ANKS6: variants seen among roughly 807,000 people sequenced by gnomAD.
ANKS6 encodes ankyrin repeat and sterile alpha motif domain containing 6, also known as ankyrin repeat and SAM domain-containing protein 6.
A neutral mutation model predicts 77.9 loss-of-function variants in ANKS6; 47 were observed. The observed-to-expected ratio is 0.60, with a 90% CI of 0.48 to 0.77. The LOEUF is 0.77. Among genes scored for constraint, ANKS6 ranks in the 30% least tolerant of loss-of-function variants. ANKS6 has a pLI of 0.00. For missense variants in ANKS6, 1,150 were observed against 1,159.1 expected (o/e 0.99, Z 0.11); for synonymous variants, 488 against 501.7 (o/e 0.97, Z 0.37).
At chr9:98,748,732 G>A (rs1291456038) in intron 13 of ANKS6, among the ~76,000 whole-genome samples, 1 of 152,082 alleles carries the variant, frequency 6.6e-6, no homozygotes, top group Non-Finnish European at 1.5e-5. Context: ...CAAACTTTTT[G>A]TGGGAAAAAT....
At chr9:98,745,476 G>T in intron 14 of ANKS6, 83 bp downstream of exon 14, 3 of 1,343,198 alleles carry the variant, frequency 2.2e-6, no homozygotes, top group Non-Finnish European at 3.2e-6. Flanking sequence ...GAGAGAGGAA[G>T]TAAGACCTTC....
chr9:98,763,534 G>T lies in ANKS6; in HGVS notation c.2142+4547C>A, dbSNP rs778929773. 2.5e-4 allele frequency among the ~76,000 whole-genome samples: 38 copies of T among 151,960 alleles called. 1 individual carries two copies. The Middle Eastern group carries it at 0.031, about 123-fold the overall frequency. Reference sequence around the variant, plus strand: ...ATTAAATATCTGTATTAGAAAAAAAGAAAGATCTCTAAACTGTAATCTAAG... The same window carrying T: ...ATTAAATATCTGTATTAGAAAAAAATAAAGATCTCTAAACTGTAATCTAAG... On this transcript the variant is annotated intron_variant, in intron 11 of 14. Transcript: ENST00000353234.
intron 11 of ANKS6, among the ~76,000 whole-genome samples, chr9:98,761,226 T>C (rs866493744): frequency 2.6e-5 from 4 of 152,234 alleles, no homozygotes; most frequent in Non-Finnish European, 5.9e-5. Flanking sequence ...TTTACATTTA[T>C]GTTTTATTAT....
intron 11 of ANKS6, among the ~76,000 whole-genome samples, chr9:98,760,516 C>G: frequency 6.6e-6 from 1 of 152,204 alleles, no homozygotes; most frequent in Non-Finnish European, 1.5e-5. Flanking sequence ...AATGACATCA[C>G]TTTGGAGATT....
rs1171586033 is a variant in ANKS6, at chr9:98,733,690, G to T, written c.*2829C>A. The T allele has an allele frequency of 3.0e-6, 3 of 985,346 alleles. No homozygotes were observed. The highest frequency in any genetic ancestry group is 1.2e-6 in the Non-Finnish European group (1 of 829,958). The allele number at this position is 985,346 out of a possible 1,614,324, so 61.0% of individuals were successfully genotyped here. On this transcript the variant is annotated 3_prime_UTR_variant, in exon 15 of 15. Coordinates refer to ENST00000353234, the MANE Select transcript of ANKS6 (RefSeq NM_173551.5). ...ATGTGGGAGATGCTATGAGTTTCTT[G>T]GCCCTGTGAAGAGGCCTGACCCATG...
intron 1 of ANKS6, among the ~76,000 whole-genome samples, chr9:98,795,139 G>A (rs529456090): frequency 6.6e-6 from 1 of 152,202 alleles, no homozygotes; most frequent in African/African-American, 2.4e-5. Context: ...GTCAACTCCT[G>A]CTGATCTACT....
At chr9:98,789,127 A>G (rs555266334) in intron 2 of ANKS6, among the ~76,000 whole-genome samples, 1 of 151,636 alleles carries the variant, frequency 6.6e-6, no homozygotes, top group South Asian at 2.1e-4. Flanking sequence ...TATTCTTTCA[A>G]TGGTAACAAA....
intron 1 of ANKS6, among the ~76,000 whole-genome samples, chr9:98,793,755 G>A (rs1341150950): frequency 2.0e-5 from 3 of 151,272 alleles, no homozygotes; most frequent in African/African-American, 2.4e-5. Context: ...GGCTGGTCTC[G>A]ATCTCCTGAC....
chr9:98,788,469 G>A (rs1834705582), intron 2 of ANKS6, among the ~76,000 whole-genome samples: 1 of 152,204 alleles, frequency 6.6e-6, no homozygotes, highest in Admixed American at 6.5e-5. Context: ...CCCCATCCCT[G>A]CCACAAACAA....
chr9:98,759,932 G>A (rs565576901), intron 11 of ANKS6, among the ~76,000 whole-genome samples: 3 of 152,120 alleles, frequency 2.0e-5, no homozygotes, highest in African/African-American at 4.8e-5. Context: ...GTAGGATGAC[G>A]ACAGTTAACA....
At position 98,796,519 on chromosome 9, in the gene ANKS6, G is replaced by C. The variant is rs903573961; in HGVS notation, c.-28C>G. 5.1e-6 allele frequency: 5 copies of C among 981,356 alleles called. No individual in the cohort carries two copies. Among genetic ancestry groups the C allele is most frequent in the Non-Finnish European group, 6.0e-6 (5 of 827,610 alleles). 60.8% of individuals were successfully genotyped at this position (981,356 alleles called of 1,614,324 possible). A position where few individuals can be genotyped will look rare whatever the true frequency, so the allele number is the denominator to read the frequency against. On this transcript the variant is annotated 5_prime_UTR_variant, in exon 1 of 15. Coordinates refer to ENST00000353234, the MANE Select transcript of ANKS6 (RefSeq NM_173551.5). ...CCGCCGCCACGCGCGGCCCGCTCCC[G>C]TCCGCCCCGCCGGCCGCGTCGGCTC...
chr9:98,744,513 C>T (rs778916599), intron 14 of ANKS6, among the ~76,000 whole-genome samples: 4 of 152,178 alleles, frequency 2.6e-5, no homozygotes, highest in Non-Finnish European at 5.9e-5. Context: ...GGGCTGTCTA[C>T]AGGACTGATG....
chr9:98,744,473 CA>C (rs1327450164), intron 14 of ANKS6, among the ~76,000 whole-genome samples: 1 of 152,184 alleles, frequency 6.6e-6, no homozygotes, highest in African/African-American at 2.4e-5. Context: ...ACCAGCCAGA[CA>C]AGGTAAGTGT....
chr9:98,796,410 G>A lies in ANKS6; in HGVS notation c.82C>T (p.Leu28=). 1 of 995,068 alleles carries A rather than the reference G, an allele frequency of 1.0e-6. No individual in the cohort carries two copies. The highest frequency in any genetic ancestry group is 4.5e-5 in the South Asian group (1 of 22,292). The allele number at this position is 995,068 out of a possible 1,614,324, so 61.6% of individuals were successfully genotyped here. Residue 28 remains leucine (L), a synonymous_variant, in exon 1 of 15, where the codon CTG becomes TTG. Coordinates refer to ENST00000353234, the MANE Select transcript of ANKS6 (RefSeq NM_173551.5). ...GGCTCCGCCGCCCCCGGCTCCAGCA[G>A]CCGCCGCGCCGTCTCCGTGTCGCCC... ...DQGDTETARR[L]LEPGAAEPAE...
At chr9:98,767,519 G>A (rs548460143) in intron 11 of ANKS6, among the ~76,000 whole-genome samples, 8 of 152,292 alleles carry the variant, frequency 5.3e-5, no homozygotes, top group African/African-American at 1.9e-4. Context: ...TCCTTAGAGC[G>A]GTTGCCAAAT....
chr9:98,778,111 G>T, intron 7 of ANKS6, 115 bp downstream of exon 7: 1 of 1,217,352 alleles, frequency 8.2e-7, no homozygotes, highest in Non-Finnish European at 1.1e-6. Context: ...ATGCTCCAGT[G>T]TCCCATTCCA....
intron 11 of ANKS6, among the ~76,000 whole-genome samples, chr9:98,765,531 C>T (rs1833229762): frequency 6.6e-6 from 1 of 152,206 alleles, no homozygotes; most frequent in Non-Finnish European, 1.5e-5. Context: ...GCCACCTCAG[C>T]CACCAGCCAG....
intron 11 of ANKS6, 66 bp downstream of exon 11, chr9:98,768,015 G>T: frequency 6.5e-7 from 1 of 1,527,528 alleles, no homozygotes; most frequent in Non-Finnish European, 8.8e-7. Context: ...CATGCTTCCC[G>T]GCAAGTGGCC....
chr9:98,737,397 C>T (rs548014495), intron 14 of ANKS6, among the ~76,000 whole-genome samples: 7 of 152,220 alleles, frequency 4.6e-5, no homozygotes, highest in African/African-American at 9.6e-5. Flanking sequence ...ACAAGATTAA[C>T]GTACACAAAT....
Sources: gnomAD v4.1 joint callset for allele counts (sites outside exome capture counted in the v4.1 genomes callset) on GRCh38, gnomAD v4.1.1 for gene constraint, MANE v1.5 for transcripts, NCBI Gene and HGNC (gene_info 2026-07-23, HGNC 2026-07-21) for gene names.